The following GRM8 variants were observed in gnomAD, a reference collection of about 807,000 sequenced individuals.
The protein encoded by GRM8 is glutamate metabotropic receptor 8.
A neutral mutation model predicts 87.2 loss-of-function variants in GRM8; 47 were observed. That is an observed-to-expected ratio of 0.54 (90% confidence interval 0.43 to 0.69). The LOEUF (loss-of-function observed/expected upper bound fraction) is 0.69. Ranked by LOEUF, GRM8 falls within the 30% of genes least tolerant of loss-of-function variation. The pLI is 0.00. For missense variants in GRM8, 1,019 were observed against 1,139.2 expected, an observed-to-expected ratio of 0.89 and a Z score of 1.52; for synonymous variants, 396 against 404.5, an observed-to-expected ratio of 0.98 and a Z score of 0.25.
intron 6 of GRM8, among the ~76,000 whole-genome samples, chr7:126,801,757 T>C (rs936534834): frequency 1.3e-5 from 2 of 151,960 alleles, no homozygotes; most frequent in African/African-American, 4.8e-5. Context: ...AGAAGGTAAG[T>C]AGAGAGGGCT....
intron 3 of GRM8, among the ~76,000 whole-genome samples, chr7:126,957,775 G>A (rs1808879660): frequency 6.6e-6 from 1 of 152,190 alleles, no homozygotes; most frequent in Non-Finnish European, 1.5e-5. Context: ...TGGGTACCAC[G>A]AACAGAGGCA....
chr7:127,204,640 G>A (rs544423198), intron 2 of GRM8, among the ~76,000 whole-genome samples: 10 of 151,894 alleles, frequency 6.6e-5, no homozygotes, highest in African/African-American at 1.7e-4. Flanking sequence ...AGGCATCTCC[G>A]ATTTGACATT....
At position 126,442,112 on chromosome 7, in the gene GRM8, G is replaced by A. The variant is rs1323928129; in HGVS notation, c.2678-2944C>T. On this transcript the variant is annotated intron_variant, in intron 10 of 10. Transcript: ENST00000339582. ...GTCAAAAGCAGAATAGATCGGGATG[G>A]AACAGCTGTAGTCTGGAAGAACCAA... 2.0e-5 allele frequency among the ~76,000 whole-genome samples: 3 copies of A among 151,914 alleles called. No individual in the cohort carries two copies. In the East Asian group the frequency reaches 5.8e-4, roughly 30 times the overall value.
intron 9 of GRM8, among the ~76,000 whole-genome samples, chr7:126,483,766 T>G (rs868771393): frequency 2.1e-5 from 1 of 47,690 alleles, no homozygotes; most frequent in Admixed American, 2.5e-4. Flanking sequence ...CCTCCCTCCC[T>G]CCCTCCCTTC....
intron 3 of GRM8, among the ~76,000 whole-genome samples, chr7:127,054,118 A>G (rs545462755): frequency 1.3e-5 from 2 of 152,166 alleles, no homozygotes; most frequent in Non-Finnish European, 2.9e-5. Context: ...TTAATTTTAT[A>G]AGAGCTTCAC....
chr7:126,456,527 A>AAAAAAAAAAAAAAAAAAAAAAC (rs1803256379), intron 9 of GRM8, among the ~76,000 whole-genome samples: 1 of 77,764 alleles, frequency 1.3e-5, no homozygotes, highest in African/African-American at 3.3e-5. Flanking sequence ...GCTAAAAAAA[A>AAAAAAAAAAAAAAAAAAAAAAC]AAAAAAAAAA....
At chr7:126,667,539 C>A (rs1029208460) in intron 7 of GRM8, among the ~76,000 whole-genome samples, 3 of 152,138 alleles carry the variant, frequency 2.0e-5, no homozygotes, top group Non-Finnish European at 4.4e-5. Flanking sequence ...AAAGCTACTA[C>A]AATGCAAAGT....
At chr7:126,878,010 G>A (rs1264918036) in intron 6 of GRM8, among the ~76,000 whole-genome samples, 1 of 152,060 alleles carries the variant, frequency 6.6e-6, no homozygotes, top group Non-Finnish European at 1.5e-5. Flanking sequence ...GACAAATTAA[G>A]GTCTCAGGAC....
intron 3 of GRM8, among the ~76,000 whole-genome samples, chr7:127,013,916 T>C (rs17865606): frequency 1.3e-5 from 2 of 152,166 alleles, no homozygotes; most frequent in East Asian, 1.9e-4. Flanking sequence ...TGCAAATTAA[T>C]GTAAAGCAAA....
chr7:126,653,872 G>T (rs1364566051), intron 7 of GRM8, among the ~76,000 whole-genome samples: 1 of 152,228 alleles, frequency 6.6e-6, no homozygotes, highest in Non-Finnish European at 1.5e-5. Flanking sequence ...TGGGGAAGAA[G>T]AGGATACAAT....
chr7:127,028,156 G>A (rs1389951267), intron 3 of GRM8, among the ~76,000 whole-genome samples: 1 of 152,182 alleles, frequency 6.6e-6, no homozygotes. Context: ...TGTTGAACCA[G>A]CCTTGCTTGC....
intron 2 of GRM8, among the ~76,000 whole-genome samples, chr7:127,197,006 G>A (rs996535534): frequency 6.6e-6 from 1 of 152,170 alleles, no homozygotes; most frequent in African/African-American, 2.4e-5. Flanking sequence ...AAGCAGCTGG[G>A]ATTACAGGGA....
chr7:126,499,383 C>A (rs1023027076), intron 9 of GRM8, among the ~76,000 whole-genome samples: 1 of 150,826 alleles, frequency 6.6e-6, no homozygotes, highest in Non-Finnish European at 1.5e-5. Flanking sequence ...ATTAGTAAAA[C>A]CATTTTGGAA....
chr7:126,454,257 A>G (rs961142863), intron 9 of GRM8, among the ~76,000 whole-genome samples: 76 of 151,872 alleles, frequency 5.0e-4, no homozygotes, highest in African/African-American at 1.8e-3. Context: ...GTTGAATCCT[A>G]TATTTATCAC....
At chr7:126,941,727 C>A (rs1394729254) in intron 3 of GRM8, among the ~76,000 whole-genome samples, 4 of 151,876 alleles carry the variant, frequency 2.6e-5, no homozygotes, top group Non-Finnish European at 5.9e-5. Flanking sequence ...CAAGATAATA[C>A]TCAAATGCAA....
At chr7:126,979,248 A>T (rs947321402) in intron 3 of GRM8, among the ~76,000 whole-genome samples, 2 of 151,814 alleles carry the variant, frequency 1.3e-5, no homozygotes, top group Non-Finnish European at 2.9e-5. Context: ...GCCAAGCTGC[A>T]GGGAGCTCAA....
intron 6 of GRM8, among the ~76,000 whole-genome samples, chr7:126,770,867 G>C (rs1453622417): frequency 6.6e-6 from 1 of 151,870 alleles, no homozygotes; most frequent in Non-Finnish European, 1.5e-5. Flanking sequence ...AATTACATGG[G>C]GTACATGGGG....
At chr7:126,648,590 A>T (rs1162726051) in intron 7 of GRM8, among the ~76,000 whole-genome samples, 1 of 152,244 alleles carries the variant, frequency 6.6e-6, no homozygotes, top group Non-Finnish European at 1.5e-5. Flanking sequence ...GGACAGATTC[A>T]TTAGCTGAGA....
At chr7:126,880,101 G>T (rs1484894449) in intron 6 of GRM8, among the ~76,000 whole-genome samples, 1 of 152,174 alleles carries the variant, frequency 6.6e-6, no homozygotes, top group Non-Finnish European at 1.5e-5. Flanking sequence ...TTGAATGACT[G>T]TTAAATAAGT....
Sources: allele counts gnomAD v4.1 joint callset (sites outside exome capture counted in the v4.1 genomes callset), GRCh38; gene constraint gnomAD v4.1.1; transcripts MANE v1.5; gene names NCBI Gene and HGNC (gene_info 2026-07-23, HGNC 2026-07-21).